CDH8: variants seen among roughly 807,000 people sequenced by gnomAD.
CDH8 encodes the protein cadherin 8, also known as cadherin-8.
CDH8 carries 17 observed loss-of-function variants against 68.1 expected under a neutral mutation model. The ratio of observed to expected loss-of-function variants is 0.25; its 90% CI spans 0.17 to 0.37. The LOEUF (loss-of-function observed/expected upper bound fraction) is 0.37. CDH8 is among the 10% of genes least tolerant of loss of function. The pLI, the probability that CDH8 is intolerant of heterozygous loss-of-function variation, is 1.00. For missense variants in CDH8, 763 were observed against 999.3 expected (o/e 0.76, Z 3.19); for synonymous variants, 372 against 365.1 (o/e 1.02, Z -0.21).
intron 10 of CDH8, among the ~76,000 whole-genome samples, chr16:61,671,508 C>G (rs1963794865): frequency 6.6e-6 from 1 of 151,172 alleles, no homozygotes; most frequent in Non-Finnish European, 1.5e-5. Flanking sequence ...TGGTATCCTA[C>G]AGTGAGCTAA....
At chr16:61,937,372 G>A (rs1009510400) in intron 2 of CDH8, among the ~76,000 whole-genome samples, 1 of 152,074 alleles carries the variant, frequency 6.6e-6, no homozygotes, top group African/African-American at 2.4e-5. Flanking sequence ...CAATCACTAG[G>A]AAAGACGCAG....
intron 7 of CDH8, among the ~76,000 whole-genome samples, chr16:61,816,805 CAGAA>C (rs1331012772): frequency 1.3e-5 from 2 of 151,718 alleles, no homozygotes; most frequent in South Asian, 2.1e-4. Context: ...CTAAAAAAGA[CAGAA>C]AAGCTTTAAT....
chr16:62,020,230 T>C (rs1229118967), intron 2 of CDH8, among the ~76,000 whole-genome samples: 1 of 152,142 alleles, frequency 6.6e-6, no homozygotes, highest in African/African-American at 2.4e-5. Flanking sequence ...ATTTGGGAAG[T>C]GAATAACATT....
At chr16:62,011,623 T>C (rs1253005925) in intron 2 of CDH8, among the ~76,000 whole-genome samples, 2 of 152,146 alleles carry the variant, frequency 1.3e-5, no homozygotes, top group African/African-American at 4.8e-5. Context: ...ACTAAATGTG[T>C]ATTTCATTTT....
At chr16:61,857,388 T>C (rs1963067231) in intron 3 of CDH8, 150 bp from the exon 4 acceptor site, 2 of 638,400 alleles carry the variant, frequency 3.1e-6, no homozygotes, top group Non-Finnish European at 5.3e-6. Flanking sequence ...AACTGCTCTC[T>C]CATAACTTCA....
intron 2 of CDH8, among the ~76,000 whole-genome samples, chr16:61,984,428 C>A (rs988650628): frequency 6.6e-6 from 1 of 151,030 alleles, no homozygotes; most frequent in Non-Finnish European, 1.5e-5. Context: ...TTTCTTTTTC[C>A]TCATCTTTTG....
chr16:61,845,976 C>T (rs1188725549), intron 4 of CDH8, among the ~76,000 whole-genome samples: 1 of 152,058 alleles, frequency 6.6e-6, no homozygotes, highest in East Asian at 1.9e-4. Flanking sequence ...GGTAAGCCTA[C>T]AGATCGGTAC....
chr16:61,994,401 TG>T (rs1965776921), intron 2 of CDH8, among the ~76,000 whole-genome samples: 1 of 152,210 alleles, frequency 6.6e-6, no homozygotes, highest in Admixed American at 6.5e-5. Flanking sequence ...TTCCCTTGAT[TG>T]TCTCCTCTAA....
intron 7 of CDH8, among the ~76,000 whole-genome samples, chr16:61,810,201 T>C (rs1042126084): frequency 6.6e-6 from 1 of 152,226 alleles, no homozygotes; most frequent in Non-Finnish European, 1.5e-5. Context: ...TCTTTCTCAC[T>C]GCTTAATTTC....
intron 2 of CDH8, among the ~76,000 whole-genome samples, chr16:61,980,377 G>T (rs939996158): frequency 6.6e-6 from 1 of 152,156 alleles, no homozygotes; most frequent in South Asian, 2.1e-4. Context: ...TACCAAGCGT[G>T]TAACTTTGGG....
intron 2 of CDH8, among the ~76,000 whole-genome samples, chr16:61,962,415 C>T (rs374790034): frequency 4.6e-5 from 7 of 152,154 alleles, no homozygotes; most frequent in Middle Eastern, 3.4e-3. Flanking sequence ...TTTGTATTAC[C>T]GGAGTATATG....
intron 5 of CDH8, among the ~76,000 whole-genome samples, chr16:61,824,579 G>A (rs1226394720): frequency 6.6e-6 from 1 of 151,840 alleles, no homozygotes; most frequent in East Asian, 2.0e-4. Context: ...CCCAGTTGCA[G>A]GAAGAAGGAG....
chr16:62,028,961 CCTT>C (rs1902261699), intron 1 of CDH8, among the ~76,000 whole-genome samples: 2 of 152,182 alleles, frequency 1.3e-5, no homozygotes, highest in Admixed American at 6.5e-5. Context: ...TCAGAATCAA[CCTT>C]CTTCTTATCA....
At chr16:61,830,491 G>C (rs1962431684) in intron 4 of CDH8, among the ~76,000 whole-genome samples, 1 of 151,796 alleles carries the variant, frequency 6.6e-6, no homozygotes, top group African/African-American at 2.4e-5. Context: ...TGCCAGAATA[G>C]TTTATTTTGG....
chr16:61,878,141 T>G (rs1342258263), intron 3 of CDH8, among the ~76,000 whole-genome samples: 1 of 152,160 alleles, frequency 6.6e-6, no homozygotes, highest in Non-Finnish European at 1.5e-5. Context: ...GATAGAAAAT[T>G]GAGTAATAAA....
chr16:61,833,099 A>C, intron 4 of CDH8, among the ~76,000 whole-genome samples: 1 of 151,656 alleles, frequency 6.6e-6, no homozygotes, highest in East Asian at 1.9e-4. Context: ...TCTCATATAC[A>C]AAACGTTATT....
At chr16:62,005,387 G>C (rs964654862) in intron 2 of CDH8, among the ~76,000 whole-genome samples, 2 of 152,150 alleles carry the variant, frequency 1.3e-5, no homozygotes, top group African/African-American at 4.8e-5. Flanking sequence ...CATCTTAGAT[G>C]ATGTGAAGCT....
chr16:61,768,304 G>GTGTCTCTCTC (rs1164507960), intron 8 of CDH8, among the ~76,000 whole-genome samples: 4 of 73,680 alleles, frequency 5.4e-5, no homozygotes, highest in South Asian at 4.3e-4. Flanking sequence ...CTCTCTCTGT[G>GTGTCTCTCTC]TCTCTCCCTT....
At chr16:61,727,851 T>A (rs1416769287) in intron 8 of CDH8, among the ~76,000 whole-genome samples, 1 of 151,248 alleles carries the variant, frequency 6.6e-6, no homozygotes, top group Middle Eastern at 3.4e-3. Context: ...AATAATCTTC[T>A]AATCTTTCCA....
Sources: allele counts gnomAD v4.1 joint callset (sites outside exome capture counted in the v4.1 genomes callset), GRCh38; gene constraint gnomAD v4.1.1; transcripts MANE v1.5; gene names NCBI Gene and HGNC (gene_info 2026-07-23, HGNC 2026-07-21).